Variants in PCDHA2 observed in about 807,000 individuals in gnomAD.
PCDHA2 encodes the protein protocadherin alpha-2.
Under a neutral mutation model 66.0 loss-of-function variants are expected in PCDHA2, and 58 were observed. That is an observed-to-expected ratio of 0.88 (90% CI 0.71 to 1.09). The LOEUF is 1.09. Ranked by LOEUF, PCDHA2 falls within the 50% of genes least tolerant of loss-of-function variation. PCDHA2 has a pLI of 0.00. For missense variants in PCDHA2, 1,267 were observed against 1,242.3 expected (o/e 1.02, Z -0.30); for synonymous variants, 634 against 554.0 (o/e 1.14, Z -2.03).
intron 1 of PCDHA2, chr5:140,871,073 C>A: frequency 1.2e-6 from 2 of 1,613,208 alleles, no homozygotes; most frequent in Non-Finnish European, 8.5e-7. Context: ...GGTGAGCCGG[C>A]GCTGACGGCC....
At chr5:141,005,304 A>G (rs2098205361) in intron 3 of PCDHA2, among the ~76,000 whole-genome samples, 1 of 152,200 alleles carries the variant, frequency 6.6e-6, no homozygotes, top group Non-Finnish European at 1.5e-5. Context: ...GCCTTTGTGA[A>G]TCTTACAGTG....
Position 141,010,486 on chromosome 5 carries a change from A to C in PCDHA2, c.*549A>C. 1 of 674,072 alleles carries C rather than the reference A, an allele frequency of 1.5e-6. No individual in the cohort carries two copies. Among genetic ancestry groups the C allele is most frequent in the Non-Finnish European group, 2.3e-6 (1 of 434,544 alleles). The allele number at this position is 674,072 out of a possible 1,614,324, so 41.8% of individuals were successfully genotyped here. On this transcript the variant is annotated 3_prime_UTR_variant, in exon 4 of 4. Transcript: ENST00000526136. ...GTATGGAGGGGAAGTGTAAACTTAAAGGGACCAGACTTTCTAAATCTTACA... is the reference window on the plus strand; with the variant it reads ...GTATGGAGGGGAAGTGTAAACTTAACGGGACCAGACTTTCTAAATCTTACA...
intron 1 of PCDHA2, chr5:140,836,314 G>A (rs2150257460): frequency 6.2e-6 from 10 of 1,613,658 alleles, no homozygotes; most frequent in East Asian, 2.2e-5. Context: ...GACGCACCGC[G>A]CCACCGCCTT....
chr5:140,882,438 C>A lies in PCDHA2; in HGVS notation c.2388+85086C>A, dbSNP rs782795158. On this transcript the variant is annotated intron_variant, in intron 1 of 3. Coordinates refer to ENST00000526136, the MANE Select transcript of PCDHA2 (RefSeq NM_018905.3). ...GCTCAGGACCTGGGGCTGGAGCTGG[C>A]GGAGCTGGTGCCGCGCCTGTTCCGG... 3.1e-6 allele frequency: 5 copies of A among 1,613,902 alleles called. No individual in the cohort carries two copies. In the Admixed American group the frequency reaches 5.0e-5, roughly 16 times the overall value.
chr5:140,862,612 A>G, intron 1 of PCDHA2: 1 of 522,286 alleles, frequency 1.9e-6, no homozygotes, highest in Admixed American at 2.0e-5. Context: ...CGTGAAAGGT[A>G]ACAACCCGCG....
chr5:141,009,712 C>T lies in PCDHA2; in HGVS notation c.2622C>T (p.Pro874=). The T allele has an allele frequency of 1.2e-6, 2 of 1,614,156 alleles. No individual in the cohort carries two copies. Among genetic ancestry groups the T allele is most frequent in the African/African-American group, 1.3e-5 (1 of 75,034 alleles). ...CCTTTAAATACGGACCAGGCAACCC[C>T]AAACAATCCGGTCCCGGTGAGTTGC... is the stretch of plus-strand genomic sequence containing the variant. ...SWTFKYGPGN[P]KQSGPGELPD... is the part of the protein sequence containing the mutation. The change falls in exon 4 of 4, where the codon CCC becomes CCT. Residue 874 remains proline (P), a synonymous_variant. Transcript: ENST00000526136.
At position 140,862,652 on chromosome 5, in the gene PCDHA2, G is replaced by A. The variant is rs904797822; in HGVS notation, c.2388+65300G>A. ...TGCCACGACTTCACAGTGTCCGCGC[G>A]GGACCGGGACGCGCAGGAGAACGTG... is the stretch of plus-strand genomic sequence containing the variant. On this transcript the variant is annotated intron_variant, in intron 1 of 3. Coordinates refer to ENST00000526136, the MANE Select transcript of PCDHA2 (RefSeq NM_018905.3). The A allele has an allele frequency of 1.4e-4, 76 of 544,114 alleles. 1 individual carries two copies. The highest frequency in any genetic ancestry group is 3.8e-5 in the African/African-American group (2 of 52,208). 33.7% of individuals were successfully genotyped at this position (544,114 alleles called of 1,614,324 possible). A position where few individuals can be genotyped will look rare whatever the true frequency, so the allele number is the denominator to read the frequency against.
chr5:140,982,487 A>G lies in PCDHA2; in HGVS notation c.2460A>G (p.Leu820=), dbSNP rs1417892860. 3 of 1,614,078 alleles carry G rather than the reference A, an allele frequency of 1.9e-6. No homozygotes were observed. Among genetic ancestry groups the G allele is most frequent in the Non-Finnish European group, 2.5e-6 (3 of 1,180,034 alleles). Residue 820 remains leucine (L), a synonymous_variant, in exon 3 of 4, where the codon CTA becomes CTG. Coordinates refer to ENST00000526136, the MANE Select transcript of PCDHA2 (RefSeq NM_018905.3). ...TGTGTTTATTCAGCTCTGTGCACCTAGAGGAGGCTGGCATTCTACGGGCTG... is the reference window on the plus strand; with the variant it reads ...TGTGTTTATTCAGCTCTGTGCACCTGGAGGAGGCTGGCATTCTACGGGCTG... The part of the protein sequence containing the change: ...LRAGMHSSVH[L]EEAGILRAGP...
At chr5:140,883,853 G>C in intron 1 of PCDHA2, 2 of 1,613,002 alleles carry the variant, frequency 1.2e-6, no homozygotes, top group Middle Eastern at 1.9e-4. Flanking sequence ...CGAGGAGCTG[G>C]AGCTGTTGCA....
At chr5:141,006,483 G>T (rs1351534173) in intron 3 of PCDHA2, among the ~76,000 whole-genome samples, 1 of 152,126 alleles carries the variant, frequency 6.6e-6, no homozygotes, top group Non-Finnish European at 1.5e-5. Context: ...AAAGTGCTGG[G>T]ATTACATGTG....
At chr5:140,899,443 G>A (rs1554188558) in intron 1 of PCDHA2, among the ~76,000 whole-genome samples, 4 of 152,210 alleles carry the variant, frequency 2.6e-5, no homozygotes, top group African/African-American at 9.7e-5. Context: ...CATCTATTGA[G>A]ATAATCATGT....
intron 1 of PCDHA2, among the ~76,000 whole-genome samples, chr5:140,820,664 A>C (rs2150107541): frequency 7.2e-5 from 11 of 152,100 alleles, no homozygotes; most frequent in Non-Finnish European, 1.6e-4. Flanking sequence ...TTAAACTAAT[A>C]TAAAGATAGC....
Position 140,927,758 on chromosome 5 carries a change from A to C in PCDHA2, c.2389-51191A>C, listed in dbSNP as rs781942462. 3 of 1,614,170 alleles carry C rather than the reference A, an allele frequency of 1.9e-6. No individual in the cohort carries two copies. In the South Asian group the frequency reaches 3.3e-5, roughly 18 times the overall value. Reference sequence around the variant, plus strand: ...CGACACCGCTTTCACGTGCACCCTAAAAGTGGGGAGGTGCAAGTAGCTGCT... The same window carrying C: ...CGACACCGCTTTCACGTGCACCCTACAAGTGGGGAGGTGCAAGTAGCTGCT... On this transcript the variant is annotated intron_variant, in intron 1 of 3. Transcript: ENST00000526136.
chr5:140,954,025 C>A (rs533473552), intron 1 of PCDHA2, among the ~76,000 whole-genome samples: 1 of 152,072 alleles, frequency 6.6e-6, no homozygotes, highest in African/African-American at 2.4e-5. Context: ...CATAGTGGGA[C>A]GATGTGGTAT....
Position 140,870,220 on chromosome 5 carries a change from G to A in PCDHA2, c.2388+72868G>A, listed in dbSNP as rs199741132. 3.2e-5 allele frequency: 52 copies of A among 1,614,042 alleles called. No individual in the cohort carries two copies. The highest frequency in any genetic ancestry group is 2.7e-5 in the Non-Finnish European group (32 of 1,180,040). ...CAGCACGGTCATTGCCCTGATCAGC[G>A]TGTCTGACCGTGACTCAGGTGTCAA... On this transcript the variant is annotated intron_variant, in intron 1 of 3. Transcript: ENST00000526136.
chr5:140,870,318 G>A (rs372041974), intron 1 of PCDHA2: 11 of 1,614,060 alleles, frequency 6.8e-6, no homozygotes, highest in African/African-American at 4.0e-5. Flanking sequence ...ATTACTACTC[G>A]TTGGTGCTGG....
chr5:140,819,590 C>A (rs2150104684), intron 1 of PCDHA2, among the ~76,000 whole-genome samples: 1 of 152,176 alleles, frequency 6.6e-6, no homozygotes, highest in South Asian at 2.1e-4. Context: ...TTAAAATGTT[C>A]TTTTCCTGTG....
At chr5:140,884,120 G>A in intron 1 of PCDHA2, 1 of 1,613,322 alleles carries the variant, frequency 6.2e-7, no homozygotes, top group Non-Finnish European at 8.5e-7. Flanking sequence ...GGCGGTCGGC[G>A]CGCGCATCCC....
intron 1 of PCDHA2, chr5:140,830,296 C>G: frequency 1.2e-6 from 2 of 1,613,846 alleles, no homozygotes; most frequent in Non-Finnish European, 1.7e-6. Context: ...GCACGGCGGA[C>G]AAGCCCACGC....
Sources: gnomAD v4.1 joint callset for allele counts (sites outside exome capture counted in the v4.1 genomes callset) on GRCh38, gnomAD v4.1.1 for gene constraint, MANE v1.5 for transcripts, NCBI Gene and HGNC (gene_info 2026-07-23, HGNC 2026-07-21) for gene names.